The following GABRG3 variants were observed in gnomAD, a reference collection of about 807,000 sequenced individuals.
GABRG3 encodes the protein gamma-aminobutyric acid receptor subunit gamma-3.
GABRG3 carries 25 observed loss-of-function variants against 48.8 expected under a neutral mutation model. The ratio of observed to expected loss-of-function variants is 0.51; its 90% confidence interval spans 0.37 to 0.72. The LOEUF (loss-of-function observed/expected upper bound fraction) is 0.72, where lower values mean the gene tolerates loss of function less well. Ranked by LOEUF, GABRG3 falls within the 30% of genes least tolerant of loss-of-function variation. The probability of loss-of-function intolerance (pLI) is 0.00; values close to 1 mark genes in which losing one functional copy is unlikely to be tolerated. For synonymous variants in GABRG3, 227 were observed against 217.6 expected (o/e 1.04, Z -0.38); for missense variants, 394 against 577.9 (o/e 0.68, Z 3.26).
At chr15:27,048,636 A>G (rs1896405468) in intron 3 of GABRG3, among the ~76,000 whole-genome samples, 1 of 152,190 alleles carries the variant, frequency 6.6e-6, no homozygotes, top group Non-Finnish European at 1.5e-5. Context: ...CATAACATTA[A>G]TCAGCTGCCC....
At chr15:27,121,054 G>C (rs992148433) in intron 3 of GABRG3, among the ~76,000 whole-genome samples, 2 of 152,110 alleles carry the variant, frequency 1.3e-5, no homozygotes, top group African/African-American at 4.8e-5. Context: ...TCAATTTTTG[G>C]ATTCCATTTT....
At chr15:27,325,199 C>A (rs1010607636) in intron 3 of GABRG3, among the ~76,000 whole-genome samples, 8 of 152,214 alleles carry the variant, frequency 5.3e-5, no homozygotes, top group Admixed American at 1.3e-4. Context: ...CACACACTCA[C>A]ACACACACTT....
At chr15:27,127,703 T>C (rs866917684) in intron 3 of GABRG3, among the ~76,000 whole-genome samples, 1 of 151,972 alleles carries the variant, frequency 6.6e-6, no homozygotes, top group African/African-American at 2.4e-5. Context: ...ATTCCCTTTT[T>C]CCCCAAGTCA....
intron 3 of GABRG3, among the ~76,000 whole-genome samples, chr15:27,205,434 A>G (rs1004069097): frequency 6.6e-6 from 1 of 152,028 alleles, no homozygotes; most frequent in South Asian, 2.1e-4. Flanking sequence ...TAGCTTTTTG[A>G]TGTGCTACTG....
rs1036327656 is a variant in GABRG3, at chr15:27,539,799, A to G, written c.*6918A>G. The stretch of plus-strand genomic sequence containing the variant: ...TCCAGGGTGGCCTTGGGAGCTACAG[A>G]GAGGAAAAAAAGAAAAAATGTTGCA... On this transcript the variant is annotated 3_prime_UTR_variant, in exon 10 of 10. Transcript: ENST00000615808. 1 of 152,148 alleles carries G rather than the reference A, an allele frequency of 6.6e-6. No homozygotes were observed. Among genetic ancestry groups the G allele is most frequent in the African/African-American group, 2.4e-5 (1 of 41,426 alleles). The allele number at this position is 152,148 out of a possible 1,614,324, so 9.4% of individuals were successfully genotyped here.
At chr15:27,229,567 C>T (rs1301892395) in intron 3 of GABRG3, among the ~76,000 whole-genome samples, 1 of 151,988 alleles carries the variant, frequency 6.6e-6, no homozygotes, top group Non-Finnish European at 1.5e-5. Flanking sequence ...ACTTCTACCT[C>T]CCGGGTTCAA....
chr15:27,491,632 G>C (rs757450200), intron 6 of GABRG3, among the ~76,000 whole-genome samples: 3 of 152,184 alleles, frequency 2.0e-5, no homozygotes, highest in Non-Finnish European at 4.4e-5. Context: ...CTTGTGTTCA[G>C]TTAGTATTTT....
At chr15:27,116,984 G>A (rs887849774) in intron 3 of GABRG3, among the ~76,000 whole-genome samples, 1 of 152,112 alleles carries the variant, frequency 6.6e-6, no homozygotes, top group Non-Finnish European at 1.5e-5. Flanking sequence ...CAAGTCTCAG[G>A]TATCGTGTTA....
chr15:27,462,514 T>C (rs1370176911), intron 5 of GABRG3, among the ~76,000 whole-genome samples: 1 of 152,216 alleles, frequency 6.6e-6, no homozygotes, highest in Non-Finnish European at 1.5e-5. Flanking sequence ...CTGTGTATAT[T>C]ATTTCAAGGC....
At chr15:27,116,630 G>T (rs887908427) in intron 3 of GABRG3, among the ~76,000 whole-genome samples, 5 of 152,176 alleles carry the variant, frequency 3.3e-5, no homozygotes, top group Non-Finnish European at 5.9e-5. Flanking sequence ...TGCAGTGTTT[G>T]TATTTCTCTA....
intron 3 of GABRG3, among the ~76,000 whole-genome samples, chr15:27,214,377 C>T (rs1889173185): frequency 6.6e-6 from 1 of 152,180 alleles, no homozygotes; most frequent in South Asian, 2.1e-4. Flanking sequence ...GGGGACAGAT[C>T]CTCCTCTCCT....
chr15:27,000,509 A>G (rs922577800), intron 2 of GABRG3, among the ~76,000 whole-genome samples: 2 of 152,080 alleles, frequency 1.3e-5, no homozygotes, highest in Non-Finnish European at 2.9e-5. Flanking sequence ...GTGGTGCCTG[A>G]TGGAGGTGAA....
At chr15:27,506,240 T>C (rs1890757551) in intron 6 of GABRG3, among the ~76,000 whole-genome samples, 1 of 152,206 alleles carries the variant, frequency 6.6e-6, no homozygotes, top group Non-Finnish European at 1.5e-5. Context: ...TTGATGGATT[T>C]GACTCCCATG....
At chr15:26,985,475 A>T (rs2140641744) in intron 2 of GABRG3, among the ~76,000 whole-genome samples, 1 of 152,346 alleles carries the variant, frequency 6.6e-6, no homozygotes, top group East Asian at 1.9e-4. Context: ...ATGGGCCTTG[A>T]ATTATAATTT....
At chr15:27,072,142 C>T (rs1191707020) in intron 3 of GABRG3, among the ~76,000 whole-genome samples, 1 of 152,174 alleles carries the variant, frequency 6.6e-6, no homozygotes, top group East Asian at 1.9e-4. Context: ...TCCTTCTGCT[C>T]CTGAAGGTCC....
chr15:27,473,520 A>C (rs908729478), intron 5 of GABRG3, among the ~76,000 whole-genome samples: 2 of 152,246 alleles, frequency 1.3e-5, no homozygotes, highest in Non-Finnish European at 2.9e-5. Context: ...TGGTCCAAAA[A>C]TCATTGATAG....
At chr15:27,188,771 C>T (rs1382692101) in intron 3 of GABRG3, among the ~76,000 whole-genome samples, 1 of 152,156 alleles carries the variant, frequency 6.6e-6, no homozygotes, top group African/African-American at 2.4e-5. Flanking sequence ...GTTGCCATTG[C>T]TTTTGGTGTT....
intron 3 of GABRG3, among the ~76,000 whole-genome samples, chr15:27,218,999 G>A (rs1182917660): frequency 6.6e-6 from 1 of 152,114 alleles, no homozygotes; most frequent in African/African-American, 2.4e-5. Flanking sequence ...GCCATACCGG[G>A]GTCTGGGAGG....
At chr15:27,125,452 T>C (rs1347562552) in intron 3 of GABRG3, among the ~76,000 whole-genome samples, 1 of 152,186 alleles carries the variant, frequency 6.6e-6, no homozygotes, top group Non-Finnish European at 1.5e-5. Context: ...AGTAATTTAT[T>C]GCATATTTTC....
Sources: gnomAD v4.1 joint callset for allele counts (sites outside exome capture counted in the v4.1 genomes callset) on GRCh38, gnomAD v4.1.1 for gene constraint, MANE v1.5 for transcripts, NCBI Gene and HGNC (gene_info 2026-07-23, HGNC 2026-07-21) for gene names.